Variants in SIDT1 observed in about 807,000 individuals in gnomAD.
The protein encoded by SIDT1 is SID1 transmembrane family member 1.
A neutral mutation model predicts 107.5 loss-of-function variants in SIDT1; 101 were observed. The ratio of observed to expected loss-of-function variants is 0.94; its 90% CI spans 0.80 to 1.11. The LOEUF (loss-of-function observed/expected upper bound fraction) is 1.11, where lower values mean the gene tolerates loss of function less well. SIDT1 is among the 50% of genes least tolerant of loss of function. SIDT1 has a pLI of 0.00. For missense variants in SIDT1, 1,076 were observed against 1,058.2 expected (o/e 1.02, Z -0.23); for synonymous variants, 395 against 398.2 (o/e 0.99, Z 0.10).
At position 113,616,046 on chromosome 3, in the gene SIDT1, T is replaced by C. The variant is rs934836328; in HGVS notation, c.1967-54T>C. The C allele has an allele frequency of 1.2e-5, 14 of 1,213,828 alleles. No homozygotes were observed. In the Admixed American group the frequency reaches 1.5e-4, roughly 13 times the overall value. The allele number at this position is 1,213,828 out of a possible 1,614,324, so 75.2% of individuals were successfully genotyped here. A position where few individuals can be genotyped will look rare whatever the true frequency, so the allele number is the denominator to read the frequency against. ...TCCAAAACCTTGGGCCACTTCAGAGTATTTGTATTTTTGTTGACTAAGCCT... is the reference window on the plus strand; with the variant it reads ...TCCAAAACCTTGGGCCACTTCAGAGCATTTGTATTTTTGTTGACTAAGCCT... On this transcript the variant is annotated intron_variant, in intron 19 of 24. Coordinates refer to ENST00000264852, the MANE Select transcript of SIDT1 (RefSeq NM_017699.3).
At chr3:113,615,654 C>G (rs941724058) in intron 19 of SIDT1, among the ~76,000 whole-genome samples, 1 of 152,156 alleles carries the variant, frequency 6.6e-6, no homozygotes, top group Admixed American at 6.5e-5. Flanking sequence ...AACTTATAAC[C>G]GCATTGAGAA....
chr3:113,583,220 A>G (rs568200879), intron 6 of SIDT1, among the ~76,000 whole-genome samples, 189 bp from the exon 7 acceptor site: 1 of 152,296 alleles, frequency 6.6e-6, no homozygotes, highest in Admixed American at 6.5e-5. Context: ...CTTGGATGTA[A>G]CAATTATCTT....
chr3:113,612,294 C>T (rs573965856), intron 19 of SIDT1, 100 bp downstream of exon 19: 24 of 825,090 alleles, frequency 2.9e-5, no homozygotes, highest in African/African-American at 6.7e-5. Context: ...CACTGGTCAC[C>T]GTGAACACAT....
At chr3:113,557,818 C>A (rs992453274) in intron 1 of SIDT1, among the ~76,000 whole-genome samples, 1 of 152,198 alleles carries the variant, frequency 6.6e-6, no homozygotes, top group African/African-American at 2.4e-5. Context: ...CAGAATCAAG[C>A]CTTGCACATT....
the SIDT1 span, among the ~76,000 whole-genome samples, chr3:113,636,390 G>C: frequency 5.9e-5 from 9 of 152,038 alleles, no homozygotes; most frequent in Admixed American, 2.0e-4. Context: ...ACAATAGAGC[G>C]AGACTCTGTC....
intron 23 of SIDT1, among the ~76,000 whole-genome samples, chr3:113,625,045 C>T (rs1270965869): frequency 1.3e-5 from 2 of 151,182 alleles, no homozygotes; most frequent in Non-Finnish European, 2.9e-5. Flanking sequence ...GTGCAGATAA[C>T]TCTTTGACAT....
At chr3:113,601,762 G>A in intron 11 of SIDT1, 103 bp downstream of exon 11, 1 of 710,330 alleles carries the variant, frequency 1.4e-6, no homozygotes, top group Non-Finnish European at 2.4e-6. Context: ...GGGCAAAGCA[G>A]CTATCCTATG....
At position 113,601,582 on chromosome 3, in the gene SIDT1, T is replaced by G. The variant is rs762945953; in HGVS notation, c.1046-6T>G. 1 of 1,612,854 alleles carries G rather than the reference T, an allele frequency of 6.2e-7. No homozygotes were observed. Among genetic ancestry groups the G allele is most frequent in the South Asian group, 1.1e-5 (1 of 91,030 alleles). On this transcript the variant is annotated splice_region_variant and splice_polypyrimidine_tract_variant and intron_variant, in intron 10 of 24. Coordinates refer to ENST00000264852, the MANE Select transcript of SIDT1 (RefSeq NM_017699.3). The stretch of plus-strand genomic sequence containing the variant: ...AAAGTGTTTGCCTCTTCACTTTTTT[T>G]AACAGGCTCTGGAAATATGGTGGCA...
chr3:113,592,601 C>CTTTTTCT (rs200342575), intron 9 of SIDT1: 44,219 of 145,920 alleles, frequency 0.3, 6,933 homozygotes, highest in South Asian at 0.38. Context: ...TTTTCTTTTT[C>CTTTTTCT]TTTTTTTTTT....
chr3:113,546,585 T>C (rs777825430), intron 1 of SIDT1, among the ~76,000 whole-genome samples: 1 of 152,222 alleles, frequency 6.6e-6, no homozygotes, highest in Non-Finnish European at 1.5e-5. Context: ...ACTGTTTTAC[T>C]GATGTGATGG....
intron 5 of SIDT1, 138 bp downstream of exon 5, chr3:113,580,847 CT>C (rs1417706023): frequency 1.6e-6 from 1 of 624,742 alleles, no homozygotes; most frequent in African/African-American, 1.8e-5. Flanking sequence ...CGAACAGTAT[CT>C]GTGAGCACGA....
chr3:113,563,778 T>A (rs1311794903), intron 1 of SIDT1, among the ~76,000 whole-genome samples: 1 of 152,186 alleles, frequency 6.6e-6, no homozygotes, highest in East Asian at 1.9e-4. Context: ...ATTGAAAAAA[T>A]TCAAACACTA....
chr3:113,537,756 GAGA>G (rs749579069), intron 1 of SIDT1, among the ~76,000 whole-genome samples: 4 of 152,208 alleles, frequency 2.6e-5, no homozygotes, highest in Admixed American at 6.5e-5. Context: ...AGAGCAAAGA[GAGA>G]AGAATAGTCT....
At position 113,607,022 on chromosome 3, in the gene SIDT1, C is replaced by T; in HGVS notation, c.1405-19C>T. 1 of 1,556,352 alleles carries T rather than the reference C, an allele frequency of 6.4e-7. No homozygotes were observed. The highest frequency in any genetic ancestry group is 8.9e-7 in the Non-Finnish European group (1 of 1,127,404). ...ACGGAGGAAAACCACATTTCCTCTT[C>T]TCACTCTTGATTTTACAGGTGGTAA... On this transcript the variant is annotated intron_variant, in intron 14 of 24. Coordinates refer to ENST00000264852, the MANE Select transcript of SIDT1 (RefSeq NM_017699.3).
chr3:113,622,356 C>T (rs1306309762), intron 21 of SIDT1, among the ~76,000 whole-genome samples: 1 of 150,420 alleles, frequency 6.6e-6, no homozygotes, highest in Non-Finnish European at 1.5e-5. Flanking sequence ...CCCAGCTACT[C>T]CAGAGGCTGT....
At chr3:113,576,339 C>T (rs886486051) in intron 3 of SIDT1, among the ~76,000 whole-genome samples, 1 of 152,110 alleles carries the variant, frequency 6.6e-6, no homozygotes, top group Non-Finnish European at 1.5e-5. Context: ...CTAACCTAAA[C>T]GGAACTAAAT....
Position 113,623,430 on chromosome 3 carries a change from C to G in SIDT1, c.2094C>G (p.Ala698=), listed in dbSNP as rs369470420. 8.2e-4 allele frequency: 1,327 copies of G among 1,611,522 alleles called. 2 individuals carry two copies. Among genetic ancestry groups the G allele is most frequent in the South Asian group, 1.4e-3 (131 of 91,044 alleles). The part of the protein sequence containing the change: ...VVGNLVNWSF[A]LFGLIYRPRD... ...CACATTTCTCCCACGCCTGCAGCGC[C>G]CTCTTTGGATTGATATACCGCCCCA... Residue 698 remains alanine (A), a synonymous_variant, in exon 22 of 25, where the codon GCC becomes GCG. Coordinates refer to ENST00000264852, the MANE Select transcript of SIDT1 (RefSeq NM_017699.3).
intron 23 of SIDT1, among the ~76,000 whole-genome samples, chr3:113,625,629 T>C (rs527460596): frequency 6.6e-6 from 1 of 152,228 alleles, no homozygotes; most frequent in Non-Finnish European, 1.5e-5. Context: ...TAGTTTTGAT[T>C]TGCATTCTCT....
chr3:113,604,867 T>C (rs1307607492), intron 13 of SIDT1, 43 bp from the exon 14 acceptor site: 2 of 1,607,640 alleles, frequency 1.2e-6, no homozygotes, highest in East Asian at 4.5e-5. Context: ...GACTCCACTG[T>C]TCATTTGAAA....
Sources: allele counts gnomAD v4.1 joint callset (sites outside exome capture counted in the v4.1 genomes callset), GRCh38; gene constraint gnomAD v4.1.1; transcripts MANE v1.5; gene names NCBI Gene and HGNC (gene_info 2026-07-23, HGNC 2026-07-21).